The following ARNT2 variants were observed in gnomAD, a reference collection of about 807,000 sequenced individuals.
The protein encoded by ARNT2 is aryl hydrocarbon receptor nuclear translocator 2.
In ARNT2, 36 loss-of-function variants were observed where a neutral mutation model predicts 91.7. The ratio of observed to expected loss-of-function variants is 0.39; its 90% CI spans 0.30 to 0.52. ARNT2 has a LOEUF of 0.52. Among genes scored for constraint, ARNT2 ranks in the 20% least tolerant of loss-of-function variants. The pLI is 0.72. For missense variants in ARNT2, 775 were observed against 939.3 expected (o/e 0.83, Z 2.29); for synonymous variants, 365 against 347.1 (o/e 1.05, Z -0.57).
At chr15:80,405,898 G>C (rs1895594279) in intron 1 of ARNT2, among the ~76,000 whole-genome samples, 2 of 151,410 alleles carry the variant, frequency 1.3e-5, no homozygotes, top group South Asian at 4.2e-4. Context: ...AAAAGAGAGA[G>C]AGAGACAGAG....
In ARNT2 at chr15:80,597,890, C is replaced by T. The variant is rs1211735365; in HGVS notation, c.*4192C>T. 6.5e-6 allele frequency: 1 copy of T among 152,672 alleles called. No individual in the cohort carries two copies. Among genetic ancestry groups the T allele is most frequent in the Non-Finnish European group, 1.5e-5 (1 of 68,072 alleles). 9.5% of individuals were successfully genotyped at this position (152,672 alleles called of 1,614,324 possible). On this transcript the variant is annotated 3_prime_UTR_variant, in exon 19 of 19. Coordinates refer to ENST00000303329, the MANE Select transcript of ARNT2 (RefSeq NM_014862.4). ...GTATATGTGTAACTAATGTAACTGC[C>T]TTTTAAAATTTCATTACAATAAAAA...
intron 1 of ARNT2, among the ~76,000 whole-genome samples, chr15:80,437,329 T>G (rs7177565): frequency 0.016 from 2,380 of 152,292 alleles, 77 homozygotes; most frequent in African/African-American, 0.054. Context: ...AATATTTTCT[T>G]TGCCAGAGTC....
At position 80,458,247 on chromosome 15, in the gene ARNT2, A is replaced by G. The variant is rs542055962; in HGVS notation, c.194+271A>G. ...TGTCAATTTTAAGGATTCATTTTAA[A>G]AAGACAATAGGGCTTTTTAAAAAGT... On this transcript the variant is annotated intron_variant, in intron 3 of 18. Coordinates refer to ENST00000303329, the MANE Select transcript of ARNT2 (RefSeq NM_014862.4). Among the ~76,000 whole-genome samples, 5 of 152,274 alleles carry G rather than the reference A, an allele frequency of 3.3e-5. No individual in the cohort carries two copies. In the South Asian group the frequency reaches 8.3e-4, roughly 25 times the overall value.
At chr15:80,545,309 G>A (rs1897973663) in intron 8 of ARNT2, among the ~76,000 whole-genome samples, 1 of 152,198 alleles carries the variant, frequency 6.6e-6, no homozygotes, top group Admixed American at 6.5e-5. Context: ...AAAGAGGGCA[G>A]GGCTCTTTAA....
Position 80,470,236 on chromosome 15 carries a change from C to T in ARNT2, c.213C>T (p.Ile71=), listed in dbSNP as rs752909555. The T allele has an allele frequency of 3.7e-5, 59 of 1,614,016 alleles. 1 individual carries two copies. The South Asian group carries it at 4.8e-4, about 13-fold the overall frequency. ...SKFSRENHSE[I]ERRRRNKMTQ... ...TGGAAAGAGAGAATCATAGTGAAATCGAAAGGCGCAGACGGAACAAGATGA... is the reference window on the plus strand; with the variant it reads ...TGGAAAGAGAGAATCATAGTGAAATTGAAAGGCGCAGACGGAACAAGATGA... The change falls in exon 4 of 19, where the codon ATC becomes ATT. Residue 71 remains isoleucine (I), a synonymous_variant. Transcript: ENST00000303329.
intron 5 of ARNT2, among the ~76,000 whole-genome samples, chr15:80,505,865 A>G (rs1897264657): frequency 6.6e-6 from 1 of 151,390 alleles, no homozygotes; most frequent in Admixed American, 6.6e-5. Flanking sequence ...ACAGTTGTAC[A>G]TGTAAGAGCT....
chr15:80,416,407 G>A (rs1460103078), intron 1 of ARNT2, among the ~76,000 whole-genome samples: 3 of 152,034 alleles, frequency 2.0e-5, no homozygotes, highest in Non-Finnish European at 4.4e-5. Context: ...TAAGAATAAG[G>A]ACTTTTCCCA....
In ARNT2 at chr15:80,450,962, C is replaced by A; in HGVS notation, c.114C>A (p.Ala38=). The A allele has an allele frequency of 6.2e-7, 1 of 1,614,094 alleles. No homozygotes were observed. The highest frequency in any genetic ancestry group is 2.2e-5 in the East Asian group (1 of 44,876). Residue 38 remains alanine, a synonymous_variant, in exon 2 of 19, where the codon GCC becomes GCA. Coordinates refer to ENST00000303329, the MANE Select transcript of ARNT2 (RefSeq NM_014862.4). ...CCGGACAGGTGAGGATGGCGGGGGCCATGCCTGCCCGTGGAGGAAAGCGGC... is the reference window on the plus strand; with the variant it reads ...CCGGACAGGTGAGGATGGCGGGGGCAATGCCTGCCCGTGGAGGAAAGCGGC... ...AATGQVRMAG[A]MPARGGKRRS... is the part of the protein sequence containing the mutation.
At chr15:80,463,539 C>G (rs1438093538) in intron 3 of ARNT2, among the ~76,000 whole-genome samples, 2 of 148,998 alleles carry the variant, frequency 1.3e-5, no homozygotes, top group Non-Finnish European at 3.0e-5. Context: ...GGAGGGGTGG[C>G]TTTCTAACAC....
intron 11 of ARNT2, among the ~76,000 whole-genome samples, chr15:80,560,573 C>T (rs955186726): frequency 2.0e-5 from 3 of 152,172 alleles, no homozygotes; most frequent in African/African-American, 7.2e-5. Context: ...ACAAATTTCA[C>T]ACTGTCTCGG....
At chr15:80,448,931 G>A (rs1896346178) in intron 1 of ARNT2, among the ~76,000 whole-genome samples, 1 of 152,186 alleles carries the variant, frequency 6.6e-6, no homozygotes, top group Non-Finnish European at 1.5e-5. Context: ...CTTGCAGTGA[G>A]CCAAGATCAC....
intron 5 of ARNT2, among the ~76,000 whole-genome samples, chr15:80,486,931 T>C (rs1896984718): frequency 6.6e-6 from 1 of 152,170 alleles, no homozygotes; most frequent in South Asian, 2.1e-4. Flanking sequence ...ATTCCTCTGC[T>C]TCACTTTCCT....
rs142759874 is a variant in ARNT2 at position 80,519,409 on chromosome 15, T to C, written c.877+5004T>C. ...AGCCTTTCACTGAATATACAATTGG[T>C]GGGGGCAGGGGGCTGCGGTAAATAG... On this transcript the variant is annotated intron_variant, in intron 8 of 18. Transcript: ENST00000303329. Among the ~76,000 whole-genome samples the C allele has an allele frequency of 1.6e-3, 239 of 152,210 alleles. 2 individuals are homozygous for C. The East Asian group carries it at 0.019, about 12-fold the overall frequency.
At chr15:80,512,022 T>C (rs1199734545) in intron 6 of ARNT2, among the ~76,000 whole-genome samples, 1 of 152,218 alleles carries the variant, frequency 6.6e-6, no homozygotes, top group Non-Finnish European at 1.5e-5. Context: ...CACCCTCACC[T>C]AATTGCGTGC....
At chr15:80,462,246 G>A (rs1453203463) in intron 3 of ARNT2, among the ~76,000 whole-genome samples, 2 of 152,034 alleles carry the variant, frequency 1.3e-5, no homozygotes, top group Non-Finnish European at 2.9e-5. Flanking sequence ...TTCTCATACC[G>A]GCAGCTGGGG....
At chr15:80,525,309 C>T (rs1338275473) in intron 8 of ARNT2, among the ~76,000 whole-genome samples, 1 of 152,156 alleles carries the variant, frequency 6.6e-6, no homozygotes, top group Non-Finnish European at 1.5e-5. Flanking sequence ...TAATAGCATG[C>T]CTACAGGATA....
At chr15:80,507,448 T>A (rs1897290736) in intron 5 of ARNT2, among the ~76,000 whole-genome samples, 1 of 152,052 alleles carries the variant, frequency 6.6e-6, no homozygotes, top group Admixed American at 6.6e-5. Context: ...CTTGCTGATG[T>A]TTAGGGAGGG....
rs1004790495 is a variant in ARNT2, at chr15:80,427,008, T to C, written c.31+22462T>C. On this transcript the variant is annotated intron_variant, in intron 1 of 18. Coordinates refer to ENST00000303329, the MANE Select transcript of ARNT2 (RefSeq NM_014862.4). ...CATTCATGACCTCATATAAGCCTTA[T>C]TGTCTCCTAAAGGCCTCATTTCCAA... Among the ~76,000 whole-genome samples the C allele has an allele frequency of 1.2e-4, 19 of 152,286 alleles. 1 individual carries two copies. The highest frequency in any genetic ancestry group is 7.2e-4 in the Admixed American group (11 of 15,298).
At chr15:80,524,419 A>AATCAG (rs1897601247) in intron 8 of ARNT2, among the ~76,000 whole-genome samples, 1 of 152,220 alleles carries the variant, frequency 6.6e-6, no homozygotes, top group Admixed American at 6.5e-5. Context: ...TCAAGGAATT[A>AATCAG]ATCAGAGATG....
Sources: allele counts gnomAD v4.1 joint callset (sites outside exome capture counted in the v4.1 genomes callset), GRCh38; gene constraint gnomAD v4.1.1; transcripts MANE v1.5; gene names NCBI Gene and HGNC (gene_info 2026-07-23, HGNC 2026-07-21).